Variants in DMD observed in about 807,000 individuals in gnomAD.
DMD encodes the protein mutant dystrophin.
DMD carries 63 observed loss-of-function variants against 330.1 expected under a neutral mutation model. The observed-to-expected ratio is 0.19, with a 90% CI of 0.16 to 0.24. The LOEUF is 0.24. DMD is among the 10% of genes least tolerant of loss of function. DMD has a pLI of 1.00. For synonymous variants in DMD, 1,223 were observed against 959.8 expected (o/e 1.27, Z -5.07); for missense variants, 3,344 against 2,684.1 (o/e 1.25, Z -5.43).
At chrX:32,599,452 C>G (rs1160538329) in intron 12 of DMD, among the ~76,000 whole-genome samples, 3 of 111,519 alleles carry the variant, frequency 2.7e-5, no homozygotes, top group African/African-American at 9.8e-5. Context: ...AAATAATATG[C>G]TAAAGTGTTG....
intron 53 of DMD, among the ~76,000 whole-genome samples, chrX:31,669,732 G>C (rs1603443691): frequency 9.1e-6 from 1 of 109,497 alleles, no homozygotes; most frequent in Non-Finnish European, 1.9e-5. Flanking sequence ...AGTAGTTTTT[G>C]AAATTGGAAA....
chrX:32,771,708 TACC>T (rs2073625958), intron 7 of DMD, among the ~76,000 whole-genome samples: 1 of 111,796 alleles, frequency 8.9e-6, no homozygotes, highest in Middle Eastern at 4.2e-3. Flanking sequence ...CGAGTTTCTG[TACC>T]ACTTTTGCTA....
chrX:32,568,100 AAAACCTATGAGTAACCTCATGGTACCT>A lies in DMD; in HGVS notation c.1813-2246_1813-2220del, dbSNP rs1211319488. Among the ~76,000 whole-genome samples the A allele has an allele frequency of 8.9e-5, 10 of 112,418 alleles. No individual in the cohort carries two copies. The East Asian group carries it at 2.8e-3, about 31-fold the overall frequency. ...ATGTTTAAAGAAGAGGATTGCAATAAAAACCTATGAGTAACCTCATGGTACCTAAACAAATGAAAATAAGCCTCCTGT... is the reference window on the plus strand; with the variant it reads ...ATGTTTAAAGAAGAGGATTGCAATAAAAACAAATGAAAATAAGCCTCCTGT... On this transcript the variant is annotated intron_variant, in intron 15 of 78. Transcript: ENST00000357033.
At chrX:32,669,527 T>G (rs1384333489) in intron 9 of DMD, among the ~76,000 whole-genome samples, 1 of 111,832 alleles carries the variant, frequency 8.9e-6, no homozygotes. Flanking sequence ...TTGATTGTAC[T>G]TTTTTTCTCT....
intron 57 of DMD, among the ~76,000 whole-genome samples, chrX:31,483,102 A>T (rs1299469116): frequency 4.3e-5 from 4 of 92,727 alleles, no homozygotes; most frequent in African/African-American, 8.3e-5. Flanking sequence ...GCTGGAGTGC[A>T]GTGGCGCAAT....
chrX:31,713,381 C>A (rs1384212110), intron 52 of DMD, among the ~76,000 whole-genome samples: 1 of 111,777 alleles, frequency 8.9e-6, no homozygotes, highest in Non-Finnish European at 1.9e-5. Context: ...TGCTCTCATG[C>A]AGCCAAATAT....
At chrX:32,516,731 A>G (rs1396754674) in intron 18 of DMD, 1 of 111,722 alleles carries the variant, frequency 9.0e-6, no homozygotes, top group Non-Finnish European at 1.9e-5. Flanking sequence ...TTCTACTACT[A>G]AGAGAATTTC....
intron 1 of DMD, among the ~76,000 whole-genome samples, chrX:33,022,280 C>T (rs935477505): frequency 2.7e-5 from 3 of 110,562 alleles, no homozygotes; most frequent in Non-Finnish European, 5.7e-5. Flanking sequence ...GTGAAAAATA[C>T]GTAGTAGAAT....
chrX:32,411,852 G>T lies in DMD; in HGVS notation c.4133C>A (p.Ser1378Tyr), dbSNP rs748595647. The change falls in exon 30 of 79, where the codon TCC becomes TAC. Residue 1378 changes from serine (S) to tyrosine (Y), a missense_variant. Coordinates refer to ENST00000357033, the MANE Select transcript of DMD (RefSeq NM_004006.3). ...SIQSAQETEK[S>Y]LHLIQESLTF... Reference sequence around the variant, plus strand: ...GAGGGACTCCTGGATTAAGTGTAAGGATTTTTCAGTCTCCTGGGCAGACTG... The same window carrying T: ...GAGGGACTCCTGGATTAAGTGTAAGTATTTTTCAGTCTCCTGGGCAGACTG... The T allele has an allele frequency of 8.3e-7, 1 of 1,210,912 alleles. No homozygotes were observed. The highest frequency in any genetic ancestry group is 2.2e-5 in the Admixed American group (1 of 45,951).
At chrX:31,225,235 G>C (rs1450580745) in intron 63 of DMD, among the ~76,000 whole-genome samples, 1 of 112,422 alleles carries the variant, frequency 8.9e-6, no homozygotes, top group Non-Finnish European at 1.9e-5. Flanking sequence ...GAGGTGGTCA[G>C]TTGTCTTAAT....
chrX:32,249,042 G>A (rs114168046), intron 43 of DMD, among the ~76,000 whole-genome samples: 1,136 of 110,226 alleles, frequency 0.01, 14 homozygotes, highest in African/African-American at 0.036. Flanking sequence ...TGAAGTGAAA[G>A]GCCAATTCTT....
chrX:31,273,248 C>G (rs747403421), intron 62 of DMD, among the ~76,000 whole-genome samples: 111 of 111,875 alleles, frequency 9.9e-4, no homozygotes, highest in African/African-American at 3.4e-3. Flanking sequence ...TATTTATGAA[C>G]ATATGATTAA....
At position 31,613,518 on chromosome X, in the gene DMD, T is replaced by C. The variant is rs759905514; in HGVS notation, c.8217+14155A>G. On this transcript the variant is annotated intron_variant, in intron 55 of 78. Coordinates refer to ENST00000357033, the MANE Select transcript of DMD (RefSeq NM_004006.3). Reference sequence around the variant, plus strand: ...CTGAAACAGGGATAAGCAAGCCCCATTGAACCTTGAGCAAACTGTAGATTC... The same window carrying C: ...CTGAAACAGGGATAAGCAAGCCCCACTGAACCTTGAGCAAACTGTAGATTC... 1.3e-4 allele frequency among the ~76,000 whole-genome samples: 14 copies of C among 111,740 alleles called. No homozygotes were observed. The East Asian group carries it at 3.4e-3, about 27-fold the overall frequency.
chrX:32,875,974 C>A (rs1163304010), intron 2 of DMD, among the ~76,000 whole-genome samples: 3 of 111,711 alleles, frequency 2.7e-5, no homozygotes, highest in African/African-American at 9.8e-5. Context: ...AAACCATTTT[C>A]TTTAGTTGTG....
chrX:32,331,926 A>T (rs1348451488), intron 41 of DMD, among the ~76,000 whole-genome samples: 1 of 111,695 alleles, frequency 9.0e-6, no homozygotes, highest in Non-Finnish European at 1.9e-5. Flanking sequence ...ATATTCGGAA[A>T]ACACAAAATC....
intron 7 of DMD, among the ~76,000 whole-genome samples, chrX:32,755,608 T>C (rs1452561097): frequency 1.8e-5 from 2 of 112,254 alleles, no homozygotes; most frequent in Non-Finnish European, 3.8e-5. Flanking sequence ...AGTTCTTAAT[T>C]ACAAATATTT....
At chrX:32,075,137 T>C (rs778181406) in intron 44 of DMD, among the ~76,000 whole-genome samples, 4 of 111,977 alleles carry the variant, frequency 3.6e-5, no homozygotes, top group African/African-American at 1.3e-4. Context: ...TAATGTTACT[T>C]CATTTTTCTG....
intron 37 of DMD, among the ~76,000 whole-genome samples, chrX:32,356,272 T>C (rs1353341343): frequency 9.2e-6 from 1 of 108,161 alleles, no homozygotes; most frequent in Non-Finnish European, 1.9e-5. Context: ...TTATATATTC[T>C]ACATTACATG....
intron 34 of DMD, among the ~76,000 whole-genome samples, chrX:32,374,033 A>C (rs946966881): frequency 8.9e-6 from 1 of 111,826 alleles, no homozygotes; most frequent in Non-Finnish European, 1.9e-5. Flanking sequence ...TTAGGGTTTA[A>C]TTGGCATCTC....
Sources: allele counts gnomAD v4.1 joint callset (sites outside exome capture counted in the v4.1 genomes callset), GRCh38; gene constraint gnomAD v4.1.1; transcripts MANE v1.5; gene names NCBI Gene and HGNC (gene_info 2026-07-23, HGNC 2026-07-21).